Variants in CCSER1 observed in about 807,000 individuals in gnomAD.
The protein encoded by CCSER1 is coiled-coil serine rich protein 1, also known as serine-rich coiled-coil domain-containing protein 1.
CCSER1 carries 41 observed loss-of-function variants against 82.0 expected under a neutral mutation model. The ratio of observed to expected loss-of-function variants is 0.50; its 90% confidence interval spans 0.39 to 0.65. The LOEUF (loss-of-function observed/expected upper bound fraction) is 0.65. Among genes scored for constraint, CCSER1 ranks in the 30% least tolerant of loss-of-function variants. The probability of loss-of-function intolerance (pLI) is 0.00; values close to 1 mark genes in which losing one functional copy is unlikely to be tolerated. For synonymous variants in CCSER1, 414 were observed against 383.9 expected (o/e 1.08, Z -0.92); for missense variants, 1,119 against 1,064.2 (o/e 1.05, Z -0.72).
intron 5 of CCSER1, among the ~76,000 whole-genome samples, chr4:90,585,860 C>T (rs972045833): frequency 2.0e-5 from 3 of 152,104 alleles, no homozygotes; most frequent in Non-Finnish European, 2.9e-5. Flanking sequence ...CCTCTATGTA[C>T]GGTCTCTTAT....
chr4:90,392,627 T>C (rs531548970), intron 3 of CCSER1, among the ~76,000 whole-genome samples: 1 of 152,242 alleles, frequency 6.6e-6, no homozygotes, highest in East Asian at 1.9e-4. Context: ...AGGAATAACA[T>C]AAGCTCTCTA....
At chr4:90,295,105 A>G (rs955456543) in intron 1 of CCSER1, among the ~76,000 whole-genome samples, 3 of 151,988 alleles carry the variant, frequency 2.0e-5, no homozygotes, top group African/African-American at 7.2e-5. Context: ...AAAAATTCTC[A>G]TATTAATGAA....
At chr4:91,241,638 C>T (rs1739377015) in intron 10 of CCSER1, among the ~76,000 whole-genome samples, 1 of 152,022 alleles carries the variant, frequency 6.6e-6, no homozygotes, top group East Asian at 1.9e-4. Context: ...CCATAAAATA[C>T]TTTTTATATA....
intron 1 of CCSER1, among the ~76,000 whole-genome samples, chr4:90,172,906 A>G (rs1036138900): frequency 2.0e-5 from 3 of 151,834 alleles, no homozygotes; most frequent in African/African-American, 7.2e-5. Context: ...ATCTGCAATA[A>G]TTTGTGATTG....
chr4:90,356,199 C>G (rs560752964), intron 3 of CCSER1, among the ~76,000 whole-genome samples: 5 of 151,882 alleles, frequency 3.3e-5, no homozygotes, highest in Admixed American at 6.5e-5. Flanking sequence ...TGTGTTTAGA[C>G]ATTGTAATGT....
intron 10 of CCSER1, among the ~76,000 whole-genome samples, chr4:91,321,287 T>G (rs1271558093): frequency 6.6e-6 from 1 of 152,126 alleles, no homozygotes; most frequent in African/African-American, 2.4e-5. Flanking sequence ...ACACCACTGT[T>G]AATGCTAACT....
intron 1 of CCSER1, among the ~76,000 whole-genome samples, chr4:90,139,453 GTATA>G (rs1724316907): frequency 6.6e-6 from 1 of 152,110 alleles, no homozygotes; most frequent in South Asian, 2.1e-4. Context: ...TGTTTTTGAA[GTATA>G]TATACTATCT....
At chr4:90,658,252 T>C (rs1730092855) in intron 6 of CCSER1, among the ~76,000 whole-genome samples, 2 of 152,112 alleles carry the variant, frequency 1.3e-5, no homozygotes, top group Admixed American at 6.6e-5. Flanking sequence ...ATAATAGGAG[T>C]AATTTGAGGC....
chr4:90,230,763 G>A (rs372551716), intron 1 of CCSER1, among the ~76,000 whole-genome samples: 3,528 of 151,700 alleles, frequency 0.023, 52 homozygotes, highest in South Asian at 0.054. Context: ...GAATCAAATA[G>A]ACGCAATAAA....
chr4:91,464,963 A>C (rs919598165), intron 10 of CCSER1, among the ~76,000 whole-genome samples: 1 of 152,156 alleles, frequency 6.6e-6, no homozygotes, highest in African/African-American at 2.4e-5. Flanking sequence ...GAAAGTGAAC[A>C]AGGATATCCA....
chr4:91,507,924 G>C (rs752724786), intron 10 of CCSER1, among the ~76,000 whole-genome samples: 11 of 150,192 alleles, frequency 7.3e-5, no homozygotes, highest in Non-Finnish European at 1.3e-4. Context: ...TATTCATCTT[G>C]TATCCCACAA....
intron 8 of CCSER1, among the ~76,000 whole-genome samples, chr4:90,892,389 A>G (rs1415825929): frequency 6.6e-6 from 1 of 152,030 alleles, no homozygotes; most frequent in Admixed American, 6.6e-5. Flanking sequence ...TAAACCATCC[A>G]AAGAAGGATT....
At chr4:91,473,704 C>T (rs1398549991) in intron 10 of CCSER1, among the ~76,000 whole-genome samples, 2 of 152,198 alleles carry the variant, frequency 1.3e-5, no homozygotes, top group East Asian at 1.9e-4. Context: ...TAGCCCACAC[C>T]TGGCATACTG....
At chr4:91,295,101 C>T (rs1416782671) in intron 10 of CCSER1, among the ~76,000 whole-genome samples, 1 of 151,868 alleles carries the variant, frequency 6.6e-6, no homozygotes, top group Non-Finnish European at 1.5e-5. Context: ...TATGGCAAAC[C>T]CTTTAATTTC....
At chr4:90,658,309 A>G (rs1452131353) in intron 6 of CCSER1, among the ~76,000 whole-genome samples, 1 of 152,200 alleles carries the variant, frequency 6.6e-6, no homozygotes, top group East Asian at 1.9e-4. Flanking sequence ...TTTGCAGGCA[A>G]TTAAGTTCTA....
chr4:90,344,082 C>T (rs967504637), intron 3 of CCSER1, among the ~76,000 whole-genome samples: 3 of 152,122 alleles, frequency 2.0e-5, no homozygotes, highest in Non-Finnish European at 4.4e-5. Flanking sequence ...TACTTTCTAT[C>T]TCCATGAGTT....
chr4:90,707,569 G>C (rs1217070213), intron 6 of CCSER1, among the ~76,000 whole-genome samples: 1 of 150,530 alleles, frequency 6.6e-6, no homozygotes, highest in Admixed American at 6.6e-5. Flanking sequence ...TATTCAAACA[G>C]TTTTTACTAC....
At chr4:90,170,233 T>A (rs1325697397) in intron 1 of CCSER1, among the ~76,000 whole-genome samples, 1 of 152,014 alleles carries the variant, frequency 6.6e-6, no homozygotes, top group Non-Finnish European at 1.5e-5. Context: ...CTCATGCTAT[T>A]GTTTCTATCT....
intron 10 of CCSER1, among the ~76,000 whole-genome samples, chr4:91,102,487 CG>C (rs1201341384): frequency 6.6e-6 from 1 of 152,024 alleles, no homozygotes; most frequent in East Asian, 1.9e-4. Flanking sequence ...AGCTTTACAG[CG>C]GATTTTACAA....
Sources: allele counts gnomAD v4.1 joint callset (sites outside exome capture counted in the v4.1 genomes callset), GRCh38; gene constraint gnomAD v4.1.1; transcripts MANE v1.5; gene names NCBI Gene and HGNC (gene_info 2026-07-23, HGNC 2026-07-21).